The following NFXL1 variants were observed in gnomAD, a reference collection of about 807,000 sequenced individuals.
NFXL1 encodes NF-X1-type zinc finger protein NFXL1.
Under a neutral mutation model 123.3 loss-of-function variants are expected in NFXL1, and 66 were observed. The ratio of observed to expected loss-of-function variants is 0.54; its 90% CI spans 0.44 to 0.66. NFXL1 has a LOEUF of 0.66. NFXL1 is among the 30% of genes least tolerant of loss of function. The pLI, the probability that NFXL1 is intolerant of heterozygous loss-of-function variation, is 0.00. For synonymous variants in NFXL1, 346 were observed against 360.8 expected (o/e 0.96, Z 0.46); for missense variants, 944 against 1,125.6 (o/e 0.84, Z 2.31).
chr4:47,904,162 G>A (rs1184348647), intron 4 of NFXL1, among the ~76,000 whole-genome samples: 3 of 152,168 alleles, frequency 2.0e-5, no homozygotes, highest in South Asian at 4.1e-4. Context: ...ATATGGTTGA[G>A]CTGATTACCA....
intron 17 of NFXL1, among the ~76,000 whole-genome samples, chr4:47,876,579 A>G (rs1735767424): frequency 6.6e-6 from 1 of 152,166 alleles, no homozygotes. Context: ...CTGAGCCTTT[A>G]CAGGCCATTG....
At chr4:47,899,342 A>G (rs1737264351) in intron 6 of NFXL1, 28 bp downstream of exon 6, 1 of 1,567,836 alleles carries the variant, frequency 6.4e-7, no homozygotes, top group African/African-American at 1.4e-5. Flanking sequence ...TCACCCACAA[A>G]CAATTTAAAA....
In NFXL1 at chr4:47,910,762, C is replaced by CA. The variant is rs552905083; in HGVS notation, c.406+61dup. 1,497 of 1,083,922 alleles carry CA rather than the reference C, an allele frequency of 1.4e-3. 5 individuals carry two copies. The highest frequency in any genetic ancestry group is 9.9e-4 in the Non-Finnish European group (760 of 763,908). 67.1% of individuals were successfully genotyped at this position (1,083,922 alleles called of 1,614,324 possible). Reference sequence around the variant, plus strand: ...ATTCCATATAGAACAAAGGCATTACCAAAAAAATGTCAGGAATACAGTTTC... The same window carrying CA: ...ATTCCATATAGAACAAAGGCATTACCAAAAAAAATGTCAGGAATACAGTTTC... On this transcript the variant is annotated intron_variant, in intron 3 of 22. Transcript: ENST00000507489.
At chr4:47,865,958 G>GTGAGCC in intron 18 of NFXL1, among the ~76,000 whole-genome samples, 1 of 152,320 alleles carries the variant, frequency 6.6e-6, no homozygotes, top group South Asian at 2.1e-4. Context: ...CAAGGCTGCA[G>GTGAGCC]TGAGCCGTGA....
chr4:47,897,715 T>C (rs561778331), intron 9 of NFXL1, among the ~76,000 whole-genome samples: 19 of 152,282 alleles, frequency 1.2e-4, no homozygotes, highest in Non-Finnish European at 2.4e-4. Flanking sequence ...GGAGTTTCCC[T>C]GCCCTGAAAA....
At chr4:47,900,447 T>G (rs1737310886) in intron 5 of NFXL1, among the ~76,000 whole-genome samples, 1 of 152,164 alleles carries the variant, frequency 6.6e-6, no homozygotes, top group Admixed American at 6.5e-5. Context: ...TGACCTCAAG[T>G]GATTCACCAG....
chr4:47,858,257 C>T (rs1734521550), intron 19 of NFXL1, among the ~76,000 whole-genome samples: 1 of 152,158 alleles, frequency 6.6e-6, no homozygotes, highest in Non-Finnish European at 1.5e-5. Context: ...GAACTTTCAT[C>T]AATGGGAAGT....
At chr4:47,854,887 G>A (rs1429969635) in intron 20 of NFXL1, among the ~76,000 whole-genome samples, 172 bp downstream of exon 20, 6 of 145,754 alleles carry the variant, frequency 4.1e-5, no homozygotes, top group Non-Finnish European at 4.5e-5. Flanking sequence ...GAACTAGTAG[G>A]CTCATTTCAA....
Position 47,855,075 on chromosome 4 carries a change from CA to C in NFXL1, c.2404del (p.Cys802ValfsTer4). On this transcript the variant is annotated frameshift_variant, in exon 20 of 23. Coordinates refer to ENST00000507489, the MANE Select transcript of NFXL1 (RefSeq NM_001278624.2). LOFTEE classifies it high-confidence loss of function. ...AATATTTACCTTTTTTATTCTTTTA[CA>C]AGGACATCTAAGTTTTACCTTCTGG... ...CNQKVKLRCP[C>X]KRIKKELQCN... 1 of 1,465,134 alleles carries C rather than the reference CA, an allele frequency of 6.8e-7. No homozygotes were observed. The highest frequency in any genetic ancestry group is 9.4e-7 in the Non-Finnish European group (1 of 1,059,864). 90.8% of individuals were successfully genotyped at this position (1,465,134 alleles called of 1,614,324 possible).
At chr4:47,868,362 T>C (rs895119933) in intron 18 of NFXL1, among the ~76,000 whole-genome samples, 3 of 146,606 alleles carry the variant, frequency 2.0e-5, no homozygotes, top group African/African-American at 7.5e-5. Context: ...AAGGTCGGAA[T>C]GGGGGTAGAA....
chr4:47,914,039 C>G lies in NFXL1; in HGVS notation c.165G>C (p.Ala55=). Residue 55 remains alanine (A), a synonymous_variant, in exon 2 of 23, where the codon GCG becomes GCC. Transcript: ENST00000507489. ...GCCTGCTCCCTGCAGCCGCCGTGGT[C>G]GCGACTCCTCCGGGACTGGTGCCAG... is the stretch of plus-strand genomic sequence containing the variant. ...VPSGTSPGGV[A]TTAAAGSRHS... The G allele has an allele frequency of 6.5e-7, 1 of 1,549,334 alleles. No homozygotes were observed. Among genetic ancestry groups the G allele is most frequent in the Non-Finnish European group, 8.7e-7 (1 of 1,146,922 alleles).
chr4:47,899,320 A>G, intron 6 of NFXL1, 50 bp downstream of exon 6: 1 of 1,484,896 alleles, frequency 6.7e-7, no homozygotes. Context: ...GCCTCAATAT[A>G]AGAAGAAATA....
intron 11 of NFXL1, among the ~76,000 whole-genome samples, chr4:47,892,142 C>T (rs1736811471): frequency 6.6e-6 from 1 of 152,120 alleles, no homozygotes; most frequent in Non-Finnish European, 1.5e-5. Context: ...TAGAAAACCA[C>T]ATAAAAGATA....
rs1276744013 is a variant in NFXL1 at position 47,899,476 on chromosome 4, T to G, written c.720A>C (p.Glu240Asp). Reference protein sequence around the residue: ...SRYYCYCGKVEDPPLDPWLVP... With the variant: ...SRYYCYCGKVDDPPLDPWLVP... ...CAAGCCACGGATCTAAAGGTGGATC[T>G]TCTACTTTTCCACAATAGCAATAGT... Residue 240 changes from glutamate (E) to aspartate (D), a missense_variant, in exon 6 of 23, where the codon GAA becomes GAC. Physicochemically the swap from Glu to Asp is conservative, Grantham distance 45 (BLOSUM62 2). Coordinates refer to ENST00000507489, the MANE Select transcript of NFXL1 (RefSeq NM_001278624.2). 5.0e-6 allele frequency: 8 copies of G among 1,612,704 alleles called. No homozygotes were observed. Among genetic ancestry groups the G allele is most frequent in the Middle Eastern group, 3.3e-4 (2 of 6,082 alleles).
In NFXL1 at chr4:47,870,123, G is replaced by A. The variant is rs1735341535; in HGVS notation, c.2246+5004C>T. 2.6e-5 allele frequency among the ~76,000 whole-genome samples: 4 copies of A among 152,086 alleles called. 1 individual carries two copies. Among genetic ancestry groups the A allele is most frequent in the Admixed American group, 2.6e-4 (4 of 15,278 alleles). On this transcript the variant is annotated intron_variant, in intron 18 of 22. Transcript: ENST00000507489. Reference sequence around the variant, plus strand: ...AATTCCATAAAACCCTCAATGACCAGTTAATCCCAATGATACTACATATTC... The same window carrying A: ...AATTCCATAAAACCCTCAATGACCAATTAATCCCAATGATACTACATATTC...
At chr4:47,911,859 C>T (rs1444696955) in intron 2 of NFXL1, among the ~76,000 whole-genome samples, 1 of 152,176 alleles carries the variant, frequency 6.6e-6, no homozygotes, top group African/African-American at 2.4e-5. Context: ...TAAGCTCTTA[C>T]GGACAGCAAA....
At chr4:47,885,762 G>C (rs927524633) in intron 13 of NFXL1, 105 bp from the exon 14 acceptor site, 1 of 1,336,154 alleles carries the variant, frequency 7.5e-7, no homozygotes. Context: ...TATAGAATGA[G>C]TATACTGTGA....
intron 18 of NFXL1, among the ~76,000 whole-genome samples, chr4:47,874,545 C>T (rs1018704257): frequency 6.6e-6 from 1 of 152,102 alleles, no homozygotes; most frequent in Admixed American, 6.5e-5. Context: ...CACCCCAAAA[C>T]AATTACAATG....
chr4:47,855,337 TTATATAATTTAATTATATA>T lies in NFXL1; in HGVS notation c.2317-193_2317-175del, dbSNP rs968801691. Among the ~76,000 whole-genome samples, 20 of 149,330 alleles carry T rather than the reference TTATATAATTTAATTATATA, an allele frequency of 1.3e-4. No homozygotes were observed. In the South Asian group the frequency reaches 1.7e-3, roughly 12 times the overall value. On this transcript the variant is annotated intron_variant, in intron 19 of 22. Transcript: ENST00000507489. ...TAGATATAAATTATTTTAATTACAC[TTATATAATTTAATTATATA>T]TATATAATTTAATTATATTTAATTA... is the stretch of plus-strand genomic sequence containing the variant.
Sources: gnomAD v4.1 joint callset for allele counts (sites outside exome capture counted in the v4.1 genomes callset) on GRCh38, gnomAD v4.1.1 for gene constraint, MANE v1.5 for transcripts, NCBI Gene and HGNC (gene_info 2026-07-23, HGNC 2026-07-21) for gene names.